Variants in HELLS observed in about 807,000 individuals in gnomAD.
The protein encoded by HELLS is lymphoid-specific helicase.
In HELLS, 32 loss-of-function variants were observed where a neutral mutation model predicts 120.0. The observed-to-expected ratio is 0.27, with a 90% CI of 0.20 to 0.36. The LOEUF is 0.36. Among genes scored for constraint, HELLS ranks in the 10% least tolerant of loss-of-function variants. HELLS has a pLI of 1.00. For missense variants in HELLS, 650 were observed against 993.4 expected, an observed-to-expected ratio of 0.65 and a Z score of 4.65; for synonymous variants, 341 against 323.4, an observed-to-expected ratio of 1.05 and a Z score of -0.58.
At chr10:94,582,629 A>G (rs1844927512) in intron 11 of HELLS, among the ~76,000 whole-genome samples, 1 of 152,170 alleles carries the variant, frequency 6.6e-6, no homozygotes, top group Non-Finnish European at 1.5e-5. Flanking sequence ...TTTGGTTTTC[A>G]GAGATAGTTC....
Position 94,597,112 on chromosome 10 carries a change from G to T in HELLS, c.2422+1G>T. ...TTGTTAGATCGAAGTGATCTTATTG[G>T]TAAGTATTATGCTTTTTTTTAATGG... On this transcript the variant is annotated splice_donor_variant, in intron 21 of 21. Coordinates refer to ENST00000348459, the MANE Select transcript of HELLS (RefSeq NM_018063.5). LOFTEE classifies it high-confidence loss of function. 6.4e-7 allele frequency: 1 copy of T among 1,555,012 alleles called. No individual in the cohort carries two copies. The highest frequency in any genetic ancestry group is 8.9e-7 in the Non-Finnish European group (1 of 1,128,986).
In HELLS at chr10:94,597,184, G is replaced by A. The variant is rs866971999; in HGVS notation, c.2422+73G>A. 18 of 821,206 alleles carry A rather than the reference G, an allele frequency of 2.2e-5. No homozygotes were observed. In the Middle Eastern group the frequency reaches 3.7e-3, roughly 168 times the overall value. 50.9% of individuals were successfully genotyped at this position (821,206 alleles called of 1,614,324 possible). A position where few individuals can be genotyped will look rare whatever the true frequency, so the allele number is the denominator to read the frequency against. On this transcript the variant is annotated intron_variant, in intron 21 of 21. Transcript: ENST00000348459. ...ATTAGCATAATGTAATGAACCCCTT[G>A]TGCAATTCATTCAGCCACATGTATC...
At chr10:94,587,006 A>G (rs1436315601) in intron 12 of HELLS, among the ~76,000 whole-genome samples, 3 of 152,066 alleles carry the variant, frequency 2.0e-5, no homozygotes, top group African/African-American at 7.2e-5. Context: ...AGAGTATACA[A>G]TGATTTTAAT....
chr10:94,613,093 T>C (rs942814945), exon 10 of HELLS: 4 of 152,250 alleles, frequency 2.6e-5, no homozygotes, highest in Admixed American at 1.3e-4. Context: ...ATTTAACTTA[T>C]TCACTTACAG....
chr10:94,551,154 G>C (rs1179715915), intron 2 of HELLS, among the ~76,000 whole-genome samples: 1 of 152,186 alleles, frequency 6.6e-6, no homozygotes, highest in Non-Finnish European at 1.5e-5. Flanking sequence ...AGAATTATCT[G>C]TGTAGGTGGG....
chr10:94,546,686 T>TTG (rs1340045427), intron 2 of HELLS, among the ~76,000 whole-genome samples, 188 bp downstream of exon 2: 62 of 152,342 alleles, frequency 4.1e-4, no homozygotes, highest in African/African-American at 1.4e-3. Flanking sequence ...CGCAAGTGCT[T>TTG]TGAATGGTGT....
At chr10:94,571,230 T>C in intron 6 of HELLS, 158 bp from the exon 7 acceptor site, 1 of 528,930 alleles carries the variant, frequency 1.9e-6, no homozygotes, top group South Asian at 2.4e-5. Context: ...GAGCCAGTAA[T>C]GTCTATAGGC....
chr10:94,586,571 G>A (rs1455566490), intron 12 of HELLS, among the ~76,000 whole-genome samples: 2 of 152,042 alleles, frequency 1.3e-5, no homozygotes, highest in Admixed American at 1.3e-4. Context: ...TACCTGTTGG[G>A]TATTTAAGTC....
chr10:94,549,398 T>G (rs1842880759), intron 2 of HELLS, among the ~76,000 whole-genome samples: 1 of 152,208 alleles, frequency 6.6e-6, no homozygotes. Context: ...GAAAATGACT[T>G]TGACATTCAT....
intron 3 of HELLS, among the ~76,000 whole-genome samples, chr10:94,556,410 T>G (rs1006342965): frequency 6.6e-6 from 1 of 152,214 alleles, no homozygotes; most frequent in African/African-American, 2.4e-5. Context: ...TAGGTTATTT[T>G]TTTTATTCCT....
chr10:94,564,578 A>G (rs1843700277), intron 6 of HELLS, among the ~76,000 whole-genome samples: 1 of 152,192 alleles, frequency 6.6e-6, no homozygotes, highest in Non-Finnish European at 1.5e-5. Flanking sequence ...AGTTCTGACA[A>G]ACCAGTTCCT....
Position 94,592,528 on chromosome 10 carries a change from T to A in HELLS, c.1971+14T>A. 1 of 1,416,820 alleles carries A rather than the reference T, an allele frequency of 7.1e-7. No homozygotes were observed. The highest frequency in any genetic ancestry group is 9.3e-7 in the Non-Finnish European group (1 of 1,075,760). 87.8% of individuals were successfully genotyped at this position (1,416,820 alleles called of 1,614,324 possible). A position where few individuals can be genotyped will look rare whatever the true frequency, so the allele number is the denominator to read the frequency against. On this transcript the variant is annotated intron_variant, in intron 17 of 21. Coordinates refer to ENST00000348459, the MANE Select transcript of HELLS (RefSeq NM_018063.5). ...AGAGAAAAAAACGTAAGACTACTTA[T>A]GTCATACATACCAAACTATTCTTTT...
intron 4 of HELLS, among the ~76,000 whole-genome samples, chr10:94,558,787 G>C (rs1237670455): frequency 1.3e-5 from 2 of 152,062 alleles, no homozygotes; most frequent in Non-Finnish European, 2.9e-5. Context: ...ATTTTCAGTA[G>C]AGACAGAGTT....
At chr10:94,592,736 C>T (rs1265132151) in intron 17 of HELLS, among the ~76,000 whole-genome samples, 1 of 151,720 alleles carries the variant, frequency 6.6e-6, no homozygotes, top group Non-Finnish European at 1.5e-5. Context: ...TAATAATATC[C>T]TACTTAACCA....
chr10:94,547,338 G>A (rs1842791560), intron 2 of HELLS, among the ~76,000 whole-genome samples: 1 of 152,052 alleles, frequency 6.6e-6, no homozygotes, highest in Non-Finnish European at 1.5e-5. Flanking sequence ...GAGGGAGAAG[G>A]GCACATAGTA....
intron 21 of HELLS, among the ~76,000 whole-genome samples, chr10:94,598,631 G>T: frequency 7.0e-6 from 1 of 142,206 alleles, no homozygotes. Flanking sequence ...TTTTTAATCA[G>T]ATGTATTTTC....
At position 94,596,950 on chromosome 10, in the gene HELLS, A is replaced by T; in HGVS notation, c.2339A>T (p.Tyr780Phe). The change falls in exon 20 of 22, where the codon TAT becomes TTT. Residue 780 changes from tyrosine to phenylalanine, a missense_variant. Physicochemically the swap from Tyr to Phe is conservative, Grantham distance 22. Coordinates refer to ENST00000348459, the MANE Select transcript of HELLS (RefSeq NM_018063.5). ...ELMELLKSRD[Y>F]EREIKGSREK... Reference sequence around the variant, plus strand: ...ATGGAATTATTAAAATCTAGAGATTATGAAAGGTGAGTTTTTAATTTTAGA... The same window carrying T: ...ATGGAATTATTAAAATCTAGAGATTTTGAAAGGTGAGTTTTTAATTTTAGA... 1 of 1,467,114 alleles carries T rather than the reference A, an allele frequency of 6.8e-7. No homozygotes were observed. Among genetic ancestry groups the T allele is most frequent in the Non-Finnish European group, 9.5e-7 (1 of 1,051,434 alleles). The allele number at this position is 1,467,114 out of a possible 1,614,324, so 90.9% of individuals were successfully genotyped here.
chr10:94,583,722 T>C (rs1483293233), intron 12 of HELLS, among the ~76,000 whole-genome samples: 1 of 152,168 alleles, frequency 6.6e-6, no homozygotes, highest in East Asian at 1.9e-4. Flanking sequence ...CACGTGTGTT[T>C]TATCTATATT....
At chr10:94,613,793 A>C (rs1371997811) in exon 10 of HELLS, 1 of 152,162 alleles carries the variant, frequency 6.6e-6, no homozygotes, top group Non-Finnish European at 1.5e-5. Flanking sequence ...GTACATAGTT[A>C]ATTTAGTGAA....
Sources: allele counts gnomAD v4.1 joint callset (sites outside exome capture counted in the v4.1 genomes callset), GRCh38; gene constraint gnomAD v4.1.1; transcripts MANE v1.5; gene names NCBI Gene and HGNC (gene_info 2026-07-23, HGNC 2026-07-21).